ASMTL: variants seen among roughly 807,000 people sequenced by gnomAD.
The protein encoded by ASMTL is probable bifunctional dTTP/UTP pyrophosphatase/methyltransferase protein.
In ASMTL, 57 loss-of-function variants were observed where a neutral mutation model predicts 60.3. The ratio of observed to expected loss-of-function variants is 0.95; its 90% CI spans 0.76 to 1.18. The LOEUF is 1.18. ASMTL is among the 50% of genes most tolerant of loss of function. ASMTL has a pLI of 0.00. For synonymous variants in ASMTL, 419 were observed against 373.0 expected (o/e 1.12, Z -1.42); for missense variants, 981 against 852.6 (o/e 1.15, Z -1.88).
chrX:1,450,039 C>T (rs2091323976), intron 1 of ASMTL, among the ~76,000 whole-genome samples: 1 of 151,200 alleles, frequency 6.6e-6, no homozygotes, highest in Non-Finnish European at 1.5e-5. Flanking sequence ...AACTATCCCC[C>T]ATCACCAGTA....
chrX:1,427,508 A>C (rs1317274123), intron 7 of ASMTL, among the ~76,000 whole-genome samples: 2 of 151,372 alleles, frequency 1.3e-5, no homozygotes, highest in Non-Finnish European at 2.9e-5. Flanking sequence ...AGGACGTGGC[A>C]GAGACTGGAG....
In ASMTL at chrX:1,425,484, C is replaced by T. The variant is rs749496669; in HGVS notation, c.1060+41G>A. ...GTCACCTTCCCTCAGTGACTTCCAC[C>T]TGCAAAGATCCTCAGAGCAAAACCC... On this transcript the variant is annotated intron_variant, in intron 8 of 12. Coordinates refer to ENST00000381317, the MANE Select transcript of ASMTL (RefSeq NM_004192.4). The T allele has an allele frequency of 3.1e-6, 5 of 1,594,800 alleles. No individual in the cohort carries two copies. In the South Asian group the frequency reaches 3.3e-5, roughly 11 times the overall value.
intron 3 of ASMTL, among the ~76,000 whole-genome samples, chrX:1,436,384 G>A (rs1275466396): frequency 6.6e-6 from 1 of 151,368 alleles, no homozygotes; most frequent in South Asian, 2.1e-4. Context: ...ACAGAGTCTC[G>A]CTCTATCACC....
In ASMTL at chrX:1,452,801, G is replaced by A; in HGVS notation, c.40C>T (p.Arg14Cys). The change falls in exon 1 of 13, where the codon CGC becomes TGC. Residue 14 changes from arginine (R) to cysteine (C), a missense_variant. Physicochemically the swap from Arg to Cys is radical, Grantham distance 180 (BLOSUM62 -3). Transcript: ENST00000381317. Reference protein sequence around the residue: ...CPVIGKLLHKRVVLASASPRR... With the variant: ...CPVIGKLLHKCVVLASASPRR... ...GGGGAGGCGCTGGCCAGCACCACGC[G>A]CTTGTGCAGCAGCTTCCCAATCACC... 1.9e-6 allele frequency: 3 copies of A among 1,596,400 alleles called. No homozygotes were observed. The highest frequency in any genetic ancestry group is 2.5e-6 in the Non-Finnish European group (3 of 1,177,420).
chrX:1,412,491 G>A (rs760772454), intron 12 of ASMTL, among the ~76,000 whole-genome samples: 2 of 152,124 alleles, frequency 1.3e-5, no homozygotes, highest in African/African-American at 4.8e-5. Context: ...GCCTCCCAAA[G>A]TGCTGGGATT....
intron 1 of ASMTL, among the ~76,000 whole-genome samples, chrX:1,446,500 A>ATTTT (rs533497088): frequency 0.011 from 1,411 of 131,716 alleles, 48 homozygotes; most frequent in African/African-American, 0.039. Flanking sequence ...ATCTCATGAC[A>ATTTT]TTTTTTTTTT....
At chrX:1,418,896 G>A (rs767545828) in intron 10 of ASMTL, 86 bp downstream of exon 10, 2 of 1,541,472 alleles carry the variant, frequency 1.3e-6, no homozygotes, top group African/African-American at 2.7e-5. Flanking sequence ...AATGGAAAAA[G>A]GCAGTTGGTA....
In ASMTL at chrX:1,418,109, C is replaced by A. The variant is rs6644873; in HGVS notation, c.1386G>T (p.Thr462=). 33 of 1,604,210 alleles carry A rather than the reference C, an allele frequency of 2.1e-5. No individual in the cohort carries two copies. Among genetic ancestry groups the A allele is most frequent in the East Asian group, 9.0e-5 (4 of 44,614 alleles). ...GGGCCAGCTCTCGGGCCAGTGCACC[C>A]GTGCAGCCTGCGGGGAAGCAAATGC... ...FSSACDVGGC[T]GALARELARE... is the part of the protein sequence containing the mutation. Residue 462 remains threonine, a synonymous_variant, in exon 11 of 13, where the codon ACG becomes ACT. Transcript: ENST00000381317.
chrX:1,428,371 A>G (rs1204628273), intron 6 of ASMTL, among the ~76,000 whole-genome samples: 15 of 151,482 alleles, frequency 9.9e-5, no homozygotes, highest in Non-Finnish European at 4.4e-5. Flanking sequence ...GCTGGGCGCA[A>G]TGGCTCACGG....
intron 7 of ASMTL, among the ~76,000 whole-genome samples, chrX:1,427,389 A>T (rs1202522221): frequency 1.3e-5 from 2 of 151,874 alleles, no homozygotes; most frequent in African/African-American, 4.8e-5. Flanking sequence ...TGTAATTAAG[A>T]ATCTCAAGAG....
chrX:1,428,655 A>AAATAAATG (rs1238886428), intron 6 of ASMTL, among the ~76,000 whole-genome samples: 1 of 150,650 alleles, frequency 6.6e-6, no homozygotes, highest in Non-Finnish European at 1.5e-5. Flanking sequence ...TCAAATAAAT[A>AAATAAATG]AATAAATAAA....
At chrX:1,445,680 A>G (rs2091216662) in intron 1 of ASMTL, among the ~76,000 whole-genome samples, 1 of 152,210 alleles carries the variant, frequency 6.6e-6, no homozygotes, top group Non-Finnish European at 1.5e-5. Context: ...ATGATAAAAT[A>G]TAAAACGAGA....
intron 5 of ASMTL, among the ~76,000 whole-genome samples, chrX:1,432,620 G>C (rs1163985240): frequency 3.3e-5 from 5 of 152,160 alleles, no homozygotes; most frequent in South Asian, 4.2e-4. Context: ...ACGAGGTCAG[G>C]AGTTCGAGAC....
chrX:1,410,853 G>A (rs1183222222), intron 12 of ASMTL, among the ~76,000 whole-genome samples: 1 of 151,432 alleles, frequency 6.6e-6, no homozygotes, highest in African/African-American at 2.4e-5. Flanking sequence ...CTGCTCCACT[G>A]CACACCAGCC....
At chrX:1,418,245 CAGT>C (rs1460595005) in intron 10 of ASMTL, 129 bp from the exon 11 acceptor site, 1 of 1,133,366 alleles carries the variant, frequency 8.8e-7, no homozygotes, top group African/African-American at 1.6e-5. Context: ...AAGGGAAAGC[CAGT>C]GGTGGGGAGC....
chrX:1,419,220 G>T, intron 9 of ASMTL, 106 bp from the exon 10 acceptor site: 1 of 1,338,678 alleles, frequency 7.5e-7, no homozygotes, highest in Non-Finnish European at 1.0e-6. Flanking sequence ...AGAGCGTGGG[G>T]GCTCAGCCGC....
At chrX:1,421,988 G>T in intron 8 of ASMTL, 146 bp from the exon 9 acceptor site, 1 of 737,868 alleles carries the variant, frequency 1.4e-6, no homozygotes, top group Non-Finnish European at 2.4e-6. Context: ...TGACCATAGG[G>T]GATGCATCAT....
chrX:1,436,595 A>T (rs6645296), intron 3 of ASMTL, among the ~76,000 whole-genome samples: 1 of 151,836 alleles, frequency 6.6e-6, no homozygotes. Flanking sequence ...CTTGTGATCC[A>T]CCCGCCTCGG....
At chrX:1,442,144 C>A in intron 2 of ASMTL, 42 bp downstream of exon 2, 1 of 1,604,304 alleles carries the variant, frequency 6.2e-7, no homozygotes, top group East Asian at 2.2e-5. Context: ...CTCATCACAG[C>A]AAAGGAATTT....
Sources: allele counts gnomAD v4.1 joint callset (sites outside exome capture counted in the v4.1 genomes callset), GRCh38; gene constraint gnomAD v4.1.1; transcripts MANE v1.5; gene names NCBI Gene and HGNC (gene_info 2026-07-23, HGNC 2026-07-21).